The following SCAF4 variants were observed in gnomAD, a reference collection of about 807,000 sequenced individuals.
SCAF4 encodes SR-related and CTD-associated factor 4.
A neutral mutation model predicts 129.8 loss-of-function variants in SCAF4; 25 were observed. The ratio of observed to expected loss-of-function variants is 0.19; its 90% confidence interval spans 0.14 to 0.27. SCAF4 has a LOEUF of 0.27. Ranked by LOEUF, SCAF4 falls within the 10% of genes least tolerant of loss-of-function variation. The pLI is 1.00. For missense variants in SCAF4, 1,246 were observed against 1,457.1 expected (o/e 0.86, Z 2.36); for synonymous variants, 551 against 497.7 (o/e 1.11, Z -1.43).
chr21:31,693,224 G>C, intron 12 of SCAF4, 70 bp downstream of exon 12: 3 of 1,125,726 alleles, frequency 2.7e-6, no homozygotes, highest in Non-Finnish European at 3.6e-6. Context: ...TTTGCTAACA[G>C]TTATAAAACA....
intron 14 of SCAF4, 145 bp downstream of exon 14, chr21:31,691,672 T>TAAAAAAAAAAAAAAA (rs5843527): frequency 3.7e-6 from 1 of 271,934 alleles, no homozygotes; most frequent in African/African-American, 2.5e-5. Flanking sequence ...AAATATTCTT[T>TAAAAAAAAAAAAAAA]AAAAAAAAAA....
intron 19 of SCAF4, among the ~76,000 whole-genome samples, chr21:31,683,712 A>C (rs1414118759): frequency 6.6e-6 from 1 of 151,850 alleles, no homozygotes; most frequent in African/African-American, 2.4e-5. Flanking sequence ...TTAATATGAA[A>C]AAAAAAAAAG....
intron 9 of SCAF4, among the ~76,000 whole-genome samples, chr21:31,695,397 A>G (rs2050360177): frequency 6.6e-6 from 1 of 152,190 alleles, no homozygotes; most frequent in Non-Finnish European, 1.5e-5. Flanking sequence ...AAAAAAAATA[A>G]CCAAGGGGGA....
At chr21:31,709,238 T>C (rs1342020894) in intron 1 of SCAF4, among the ~76,000 whole-genome samples, 1 of 152,006 alleles carries the variant, frequency 6.6e-6, no homozygotes, top group Non-Finnish European at 1.5e-5. Context: ...AACCAGGTAC[T>C]TCCTTTCCCA....
At chr21:31,703,298 A>G (rs1358161455) in intron 4 of SCAF4, among the ~76,000 whole-genome samples, 1 of 152,020 alleles carries the variant, frequency 6.6e-6, no homozygotes, top group East Asian at 1.9e-4. Context: ...TGCGCCTTTC[A>G]TATTATTTTT....
intron 19 of SCAF4, among the ~76,000 whole-genome samples, chr21:31,676,735 T>G (rs769663926): frequency 6.6e-5 from 10 of 152,198 alleles, no homozygotes; most frequent in Non-Finnish European, 1.0e-4. Flanking sequence ...CCCACATAAA[T>G]GTACTATTCA....
intron 3 of SCAF4, among the ~76,000 whole-genome samples, chr21:31,704,947 G>A (rs1265757454): frequency 6.6e-6 from 1 of 152,178 alleles, no homozygotes; most frequent in East Asian, 1.9e-4. Flanking sequence ...CAGGGGTTAA[G>A]ACAAAGATGT....
chr21:31,705,348 A>T, intron 3 of SCAF4, 75 bp downstream of exon 3: 1 of 701,560 alleles, frequency 1.4e-6, no homozygotes, highest in Non-Finnish European at 2.3e-6. Context: ...AGAAACAAGC[A>T]TTGAGATTAA....
intron 3 of SCAF4, among the ~76,000 whole-genome samples, chr21:31,704,547 T>A (rs1482587215): frequency 2.7e-5 from 4 of 149,262 alleles, no homozygotes; most frequent in Non-Finnish European, 6.0e-5. Context: ...AAAAAAAAAA[T>A]TAGGTCTAAC....
intron 1 of SCAF4, among the ~76,000 whole-genome samples, chr21:31,723,632 GC>G (rs2051131154): frequency 8.4e-6 from 1 of 119,448 alleles, no homozygotes. Context: ...GTGTGTGTGC[GC>G]GCGCGCGCGC....
intron 14 of SCAF4, among the ~76,000 whole-genome samples, chr21:31,691,380 G>A (rs1322379038): frequency 6.6e-6 from 1 of 152,114 alleles, no homozygotes; most frequent in Non-Finnish European, 1.5e-5. Context: ...AGACACTGAA[G>A]AAACACTGAC....
At chr21:31,714,137 T>C (rs899522444) in intron 1 of SCAF4, among the ~76,000 whole-genome samples, 25 of 152,100 alleles carry the variant, frequency 1.6e-4, no homozygotes, top group African/African-American at 6.0e-4. Context: ...GATATCTGCT[T>C]GATAGGTATC....
Position 31,731,676 on chromosome 21 carries a change from G to C in SCAF4, c.17C>G (p.Ala6Gly). Residue 6 changes from alanine to glycine, a missense_variant, in exon 1 of 20, where the codon GCC becomes GGC. By Grantham distance (60) the Ala-to-Gly change is moderately conservative. Around this residue, in one of 6 missense-constraint regions of SCAF4, gnomAD observed 56 missense variants for 139.4 expected, o/e 0.40. Coordinates refer to ENST00000286835, the MANE Select transcript of SCAF4 (RefSeq NM_020706.2). MDAVN[A>G]FNQELFSLMD... The stretch of plus-strand genomic sequence containing the variant: ...AACACCCCTTACCTCCTGGTTGAAG[G>C]CGTTGACGGCGTCCATGTTCGCGCT... 6.3e-7 allele frequency: 1 copy of C among 1,585,282 alleles called. No homozygotes were observed. The highest frequency in any genetic ancestry group is 1.1e-5 in the South Asian group (1 of 88,802).
chr21:31,676,678 T>C (rs1440592208), intron 19 of SCAF4, among the ~76,000 whole-genome samples: 1 of 152,224 alleles, frequency 6.6e-6, no homozygotes. Flanking sequence ...CTTAGTTGTT[T>C]TGTTTGGTAA....
chr21:31,691,979 A>C (rs2050270986), intron 13 of SCAF4, 49 bp from the exon 14 acceptor site: 1 of 913,668 alleles, frequency 1.1e-6, no homozygotes, highest in African/African-American at 1.7e-5. Context: ...ATTGAAAAGC[A>C]ACAAGATACA....
At position 31,696,500 on chromosome 21, in the gene SCAF4, G is replaced by T. The variant is rs1341624990; in HGVS notation, c.959+69C>A. 2.2e-6 allele frequency: 3 copies of T among 1,350,866 alleles called. No homozygotes were observed. In the South Asian group the frequency reaches 4.4e-5, roughly 20 times the overall value. The allele number at this position is 1,350,866 out of a possible 1,614,324, so 83.7% of individuals were successfully genotyped here. ...TAGAACATTGTTGTCATTGCTAAAT[G>T]TTACTTAGGTTATGCCTTACAACTA... On this transcript the variant is annotated intron_variant, in intron 8 of 19. Transcript: ENST00000286835.
chr21:31,717,601 A>C (rs865978801), intron 1 of SCAF4, among the ~76,000 whole-genome samples: 1 of 152,082 alleles, frequency 6.6e-6, no homozygotes, highest in African/African-American at 2.4e-5. Flanking sequence ...ATTATCACAT[A>C]ACTTGTCCAC....
chr21:31,688,457 T>C lies in SCAF4; in HGVS notation c.1893A>G (p.Lys631=). ...LDSDTLNPDW[K]GIPKKPENEV... is the part of the protein sequence containing the mutation. Reference sequence around the variant, plus strand: ...CATTTTCAGGCTTCTTAGGAATTCCTTTCCAATCTGTGAGCGTGAAAGAAA... The same window carrying C: ...CATTTTCAGGCTTCTTAGGAATTCCCTTCCAATCTGTGAGCGTGAAAGAAA... Residue 631 remains lysine (K), a synonymous_variant, in exon 16 of 20, where the codon AAA becomes AAG. Coordinates refer to ENST00000286835, the MANE Select transcript of SCAF4 (RefSeq NM_020706.2). 6.2e-7 allele frequency: 1 copy of C among 1,613,460 alleles called. No individual in the cohort carries two copies. The highest frequency in any genetic ancestry group is 8.5e-7 in the Non-Finnish European group (1 of 1,179,574).
At chr21:31,686,122 G>C (rs556384035) in intron 16 of SCAF4, among the ~76,000 whole-genome samples, 1 of 149,354 alleles carries the variant, frequency 6.7e-6, no homozygotes, top group South Asian at 2.1e-4. Flanking sequence ...AGAATTGCTT[G>C]AACTCGGGAG....
Sources: allele counts gnomAD v4.1 joint callset (sites outside exome capture counted in the v4.1 genomes callset), GRCh38; gene constraint gnomAD v4.1.1; regional missense constraint gnomAD v4.1.1; transcripts MANE v1.5; gene names NCBI Gene and HGNC (gene_info 2026-07-23, HGNC 2026-07-21).